The following ASAP1 variants were observed in gnomAD, a reference collection of about 807,000 sequenced individuals.
The protein encoded by ASAP1 is ArfGAP with SH3 domain, ankyrin repeat and PH domain 1.
A neutral mutation model predicts 145.2 loss-of-function variants in ASAP1; 43 were observed. The ratio of observed to expected loss-of-function variants is 0.30; its 90% CI spans 0.23 to 0.38. The LOEUF is 0.38. ASAP1 is among the 10% of genes least tolerant of loss of function. The pLI is 1.00. For synonymous variants in ASAP1, 546 were observed against 515.5 expected (o/e 1.06, Z -0.80); for missense variants, 1,018 against 1,355.3 (o/e 0.75, Z 3.91).
intron 5 of ASAP1, among the ~76,000 whole-genome samples, chr8:130,202,073 T>A (rs553227812): frequency 3.2e-4 from 48 of 152,272 alleles, no homozygotes; most frequent in Admixed American, 2.8e-3. Flanking sequence ...CTGCTCCCTT[T>A]GCTTGGAAAG....
Position 130,052,734 on chromosome 8 carries a change from TG to T in ASAP1, c.*1996del, listed in dbSNP as rs372191659. The T allele has an allele frequency of 7.5e-6, 1 of 132,476 alleles. No individual in the cohort carries two copies. Among genetic ancestry groups the T allele is most frequent in the African/African-American group, 2.5e-5 (1 of 40,034 alleles). 8.2% of individuals were successfully genotyped at this position (132,476 alleles called of 1,614,324 possible). A position where few individuals can be genotyped will look rare whatever the true frequency, so the allele number is the denominator to read the frequency against. On this transcript the variant is annotated 3_prime_UTR_variant, in exon 30 of 30. Transcript: ENST00000518721. ...AGCTTTTGTGTTTTTTTTTTGTTTTTGTTTTTTTTTTTTTTTTGAAAAAAAC... is the reference window on the plus strand; with the variant it reads ...AGCTTTTGTGTTTTTTTTTTGTTTTTTTTTTTTTTTTTTTTTGAAAAAAAC...
rs201264577 is a variant in ASAP1, at chr8:130,311,761, C to CAA, written c.186+46254_186+46255dup. 3.5e-4 allele frequency among the ~76,000 whole-genome samples: 30 copies of CAA among 85,366 alleles called. 1 individual carries two copies. Among genetic ancestry groups the CAA allele is most frequent in the East Asian group, 6.4e-4 (2 of 3,128 alleles). 56.0% of individuals were successfully genotyped at this position (85,366 alleles called of 152,430 possible). ...GGGCAACAAGAGCGAAACTCCGTCT[C>CAA]AAAAAAAAAAAAAAGGCAAAATAAG... On this transcript the variant is annotated intron_variant, in intron 3 of 29. Coordinates refer to ENST00000518721, the MANE Select transcript of ASAP1 (RefSeq NM_018482.4).
intron 7 of ASAP1, among the ~76,000 whole-genome samples, chr8:130,181,593 C>T (rs976915885): frequency 2.0e-5 from 3 of 152,162 alleles, no homozygotes; most frequent in Non-Finnish European, 4.4e-5. Flanking sequence ...ATCAGTCAAC[C>T]ACTTGTCACT....
chr8:130,337,806 G>C (rs1001748995), intron 3 of ASAP1, among the ~76,000 whole-genome samples: 6 of 152,164 alleles, frequency 3.9e-5, no homozygotes, highest in African/African-American at 7.2e-5. Context: ...TCAGAACAGA[G>C]AAGAGGCAAT....
At chr8:130,228,103 G>GA (rs1004914776) in intron 4 of ASAP1, among the ~76,000 whole-genome samples, 9 of 151,746 alleles carry the variant, frequency 5.9e-5, no homozygotes, top group Non-Finnish European at 1.0e-4. Flanking sequence ...AAACAGACAA[G>GA]AAAAAAAATC....
At chr8:130,336,247 G>A (rs1825027536) in intron 3 of ASAP1, among the ~76,000 whole-genome samples, 1 of 152,194 alleles carries the variant, frequency 6.6e-6, no homozygotes, top group South Asian at 2.1e-4. Context: ...GGGAGAAGAA[G>A]GCAAAGTTAC....
chr8:130,205,048 A>T (rs1380897560), intron 5 of ASAP1, among the ~76,000 whole-genome samples: 1 of 152,220 alleles, frequency 6.6e-6, no homozygotes, highest in Non-Finnish European at 1.5e-5. Flanking sequence ...TGATTAGCAA[A>T]ATGTTAGAGA....
chr8:130,191,385 T>C (rs1459686443), intron 5 of ASAP1, among the ~76,000 whole-genome samples: 3 of 152,138 alleles, frequency 2.0e-5, no homozygotes, highest in African/African-American at 7.2e-5. Flanking sequence ...ACTCAAGAAA[T>C]GATTTTACTC....
intron 27 of ASAP1, among the ~76,000 whole-genome samples, chr8:130,073,657 C>A (rs1408126420): frequency 1.3e-5 from 2 of 152,116 alleles, no homozygotes; most frequent in East Asian, 3.9e-4. Context: ...AGTGACTGTG[C>A]CAAGAGCTGC....
At chr8:130,302,931 A>T (rs955301747) in intron 3 of ASAP1, among the ~76,000 whole-genome samples, 3 of 152,212 alleles carry the variant, frequency 2.0e-5, no homozygotes, top group African/African-American at 7.2e-5. Context: ...ACAACATTGT[A>T]AGACCTGGTA....
Position 130,373,525 on chromosome 8 carries a change from C to T in ASAP1, c.60-15382G>A, listed in dbSNP as rs541292022. On this transcript the variant is annotated intron_variant, in intron 2 of 29. Coordinates refer to ENST00000518721, the MANE Select transcript of ASAP1 (RefSeq NM_018482.4). Reference sequence around the variant, plus strand: ...ATTAGTGAAAAACACTCTACTCAACCGATCCCAACCTCAAATAAGTGATAT... The same window carrying T: ...ATTAGTGAAAAACACTCTACTCAACTGATCCCAACCTCAAATAAGTGATAT... 1.0e-3 allele frequency among the ~76,000 whole-genome samples: 159 copies of T among 152,224 alleles called. 1 individual carries two copies. Among genetic ancestry groups the T allele is most frequent in the African/African-American group, 3.7e-3 (154 of 41,534 alleles).
chr8:130,382,252 C>G (rs1183876676), intron 2 of ASAP1, among the ~76,000 whole-genome samples: 1 of 128,550 alleles, frequency 7.8e-6, no homozygotes. Flanking sequence ...CGCCACTGCA[C>G]TCCAGCATGA....
intron 3 of ASAP1, among the ~76,000 whole-genome samples, chr8:130,278,405 C>G (rs1821051645): frequency 6.6e-6 from 1 of 152,014 alleles, no homozygotes; most frequent in African/African-American, 2.4e-5. Context: ...GAAAATATGA[C>G]CCTACCTAAA....
intron 3 of ASAP1, among the ~76,000 whole-genome samples, chr8:130,284,150 G>A (rs1821447460): frequency 6.6e-6 from 1 of 152,138 alleles, no homozygotes; most frequent in Non-Finnish European, 1.5e-5. Flanking sequence ...ATGGCCAACC[G>A]AATGTGTAGG....
At chr8:130,240,639 T>C (rs953592232) in intron 3 of ASAP1, among the ~76,000 whole-genome samples, 1 of 152,142 alleles carries the variant, frequency 6.6e-6, no homozygotes. Context: ...TATCCGCAGT[T>C]GGACAACTCA....
At chr8:130,148,404 G>T (rs915047435) in intron 13 of ASAP1, among the ~76,000 whole-genome samples, 1 of 152,172 alleles carries the variant, frequency 6.6e-6, no homozygotes, top group African/African-American at 2.4e-5. Context: ...CAATGTGTTA[G>T]GTACTGAAAA....
Position 130,118,663 on chromosome 8 carries a change from T to C in ASAP1, c.1620A>G (p.Lys540=). 6.2e-7 allele frequency: 1 copy of C among 1,607,276 alleles called. No individual in the cohort carries two copies. Among genetic ancestry groups the C allele is most frequent in the South Asian group, 1.1e-5 (1 of 89,944 alleles). ...PTPSSDMTVR[K]EYITAKYVDH... The stretch of plus-strand genomic sequence containing the variant: ...CTACATACTTTGCAGTGATATATTC[T>C]TTTCGTACAGTCCTAAAACAGAACA... The change falls in exon 19 of 30, where the codon AAA becomes AAG. Residue 540 remains lysine, a synonymous_variant. Coordinates refer to ENST00000518721, the MANE Select transcript of ASAP1 (RefSeq NM_018482.4).
At chr8:130,198,455 CA>C (rs1256579198) in intron 5 of ASAP1, among the ~76,000 whole-genome samples, 180 of 152,282 alleles carry the variant, frequency 1.2e-3, no homozygotes, top group Non-Finnish European at 1.6e-4. Flanking sequence ...TATTGCACCA[CA>C]TTCTCTCCAT....
chr8:130,121,784 CAAAAAAAAA>C (rs56996962), intron 18 of ASAP1, among the ~76,000 whole-genome samples: 17 of 25,406 alleles, frequency 6.7e-4, no homozygotes, highest in South Asian at 4.6e-3. Flanking sequence ...AATTCCATCT[CAAAAAAAAA>C]AAAAAAAAAA....
Sources: allele counts gnomAD v4.1 joint callset (sites outside exome capture counted in the v4.1 genomes callset), GRCh38; gene constraint gnomAD v4.1.1; transcripts MANE v1.5; gene names NCBI Gene and HGNC (gene_info 2026-07-23, HGNC 2026-07-21).